The following YWHAE variants were observed in gnomAD, a reference collection of about 807,000 sequenced individuals.
YWHAE encodes 14-3-3 protein epsilon.
In YWHAE, 4 loss-of-function variants were observed where a neutral mutation model predicts 30.1. The ratio of observed to expected loss-of-function variants is 0.13; its 90% CI spans 0.07 to 0.30. The LOEUF is 0.30. YWHAE is among the 10% of genes least tolerant of loss of function. The pLI, the probability that YWHAE is intolerant of heterozygous loss-of-function variation, is 1.00. For missense variants in YWHAE, 121 were observed against 315.9 expected, an observed-to-expected ratio of 0.38 and a Z score of 4.68; for synonymous variants, 118 against 111.8, an observed-to-expected ratio of 1.06 and a Z score of -0.35.
intron 5 of YWHAE, among the ~76,000 whole-genome samples, chr17:1,348,981 G>C (rs1218840887): frequency 6.6e-6 from 1 of 151,134 alleles, no homozygotes; most frequent in African/African-American, 2.4e-5. Flanking sequence ...AGCCAAGATA[G>C]CACCACTGCA....
intron 1 of YWHAE, among the ~76,000 whole-genome samples, chr17:1,373,654 T>G (rs1406297490): frequency 6.7e-6 from 1 of 149,394 alleles, no homozygotes; most frequent in African/African-American, 2.5e-5. Flanking sequence ...GGTGACAGAG[T>G]GAGACTTCAT....
At chr17:1,348,427 G>A (rs1426093485) in intron 5 of YWHAE, among the ~76,000 whole-genome samples, 1 of 151,904 alleles carries the variant, frequency 6.6e-6, no homozygotes, top group Non-Finnish European at 1.5e-5. Context: ...CAACATGCTG[G>A]GACAGACATT....
chr17:1,373,445 C>A (rs1467679498), intron 1 of YWHAE, among the ~76,000 whole-genome samples: 3 of 151,848 alleles, frequency 2.0e-5, no homozygotes, highest in Non-Finnish European at 4.4e-5. Context: ...AAGGGTAGAT[C>A]ACAAGGTCAG....
At chr17:1,380,753 C>G (rs1234019198) in intron 1 of YWHAE, among the ~76,000 whole-genome samples, 1 of 152,076 alleles carries the variant, frequency 6.6e-6, no homozygotes, top group Non-Finnish European at 1.5e-5. Flanking sequence ...TTTTTCTAAC[C>G]CAGACTTTCC....
intron 5 of YWHAE, among the ~76,000 whole-genome samples, chr17:1,348,605 G>A (rs1692153284): frequency 6.6e-6 from 1 of 152,186 alleles, no homozygotes; most frequent in South Asian, 2.1e-4. Context: ...ATTTTATTTT[G>A]TGAGATGAAG....
At chr17:1,355,148 A>AAAAAAAAATTTT (rs1555639303) in intron 4 of YWHAE, among the ~76,000 whole-genome samples, 1 of 76,796 alleles carries the variant, frequency 1.3e-5, no homozygotes, top group African/African-American at 4.4e-5. Flanking sequence ...AAAAAAAAAA[A>AAAAAAAAATTTT]TTTTTTTTTT....
chr17:1,398,872 A>C (rs1598278538), intron 1 of YWHAE: 1 of 152,288 alleles, frequency 6.6e-6, no homozygotes, highest in African/African-American at 2.4e-5. Flanking sequence ...GGACCTACTA[A>C]TATTTCTACA....
chr17:1,377,614 T>C (rs71360487), intron 1 of YWHAE, among the ~76,000 whole-genome samples: 5,374 of 151,612 alleles, frequency 0.035, 111 homozygotes, highest in East Asian at 0.053. Context: ...ACTCTGTCTC[T>C]CAAAAAGAAA....
In YWHAE at chr17:1,352,925, C is replaced by T. The variant is rs903911071; in HGVS notation, c.715+1286G>A. ...CACCACCACCAAATGTAAAACTATC[C>T]TGTAATACTCCTATCACACTAATTT... is the stretch of plus-strand genomic sequence containing the variant. On this transcript the variant is annotated intron_variant, in intron 5 of 5. Transcript: ENST00000264335. Among the ~76,000 whole-genome samples, 19 of 152,286 alleles carry T rather than the reference C, an allele frequency of 1.2e-4. 1 individual carries two copies. The highest frequency in any genetic ancestry group is 4.3e-4 in the African/African-American group (18 of 41,560).
intron 1 of YWHAE, among the ~76,000 whole-genome samples, chr17:1,381,575 G>T (rs757034993): frequency 6.6e-6 from 1 of 151,916 alleles, no homozygotes; most frequent in Non-Finnish European, 1.5e-5. Context: ...GCATGTAAAG[G>T]GGGGAGGGGA....
chr17:1,370,933 G>T (rs1366819282), intron 1 of YWHAE, among the ~76,000 whole-genome samples: 1 of 151,952 alleles, frequency 6.6e-6, no homozygotes, highest in Admixed American at 6.6e-5. Context: ...CCGGGAGGCG[G>T]AGCTGCAGTG....
intron 5 of YWHAE, among the ~76,000 whole-genome samples, chr17:1,350,789 GTGGCTCACGCCTGTAATCCAAGCATTT>G (rs1387620720): frequency 6.6e-6 from 1 of 151,692 alleles, no homozygotes; most frequent in African/African-American, 2.4e-5. Context: ...GCCAGGCGCA[GTGGCTCACGCCTGTAATCCAAGCATTT>G]TGGGAGGCCG....
chr17:1,382,967 G>A (rs1287002137), intron 1 of YWHAE, among the ~76,000 whole-genome samples: 2 of 151,668 alleles, frequency 1.3e-5, no homozygotes, highest in Non-Finnish European at 2.9e-5. Flanking sequence ...TGAGGTTGCA[G>A]TGAGCTGACC....
chr17:1,395,267 C>G (rs925633252), intron 1 of YWHAE, among the ~76,000 whole-genome samples: 1 of 152,142 alleles, frequency 6.6e-6, no homozygotes, highest in Non-Finnish European at 1.5e-5. Flanking sequence ...GTGGCTCACA[C>G]CTGTAATCCC....
At chr17:1,357,617 C>CTGTA (rs2072774579) in intron 4 of YWHAE, among the ~76,000 whole-genome samples, 10 of 151,472 alleles carry the variant, frequency 6.6e-5, no homozygotes, top group Non-Finnish European at 1.2e-4. Flanking sequence ...TTTGCTACTG[C>CTGTA]AATATTTACT....
intron 1 of YWHAE, among the ~76,000 whole-genome samples, chr17:1,370,592 G>A (rs374578847): frequency 5.9e-5 from 9 of 151,896 alleles, no homozygotes; most frequent in South Asian, 2.1e-4. Flanking sequence ...CACCACGCCC[G>A]GCTAACTTTT....
At chr17:1,366,077 G>A (rs974605579) in intron 1 of YWHAE, among the ~76,000 whole-genome samples, 9 of 151,850 alleles carry the variant, frequency 5.9e-5, no homozygotes, top group Admixed American at 1.3e-4. Flanking sequence ...TTAGCTGGGC[G>A]TGGTGATGCA....
At chr17:1,362,149 T>G in intron 2 of YWHAE, 141 bp from the exon 3 acceptor site, 1 of 552,306 alleles carries the variant, frequency 1.8e-6, no homozygotes, top group South Asian at 3.1e-5. Context: ...TTCTTCCTTC[T>G]TGACACAAAA....
chr17:1,384,076 G>A (rs1171481601), intron 1 of YWHAE, among the ~76,000 whole-genome samples: 3 of 152,082 alleles, frequency 2.0e-5, no homozygotes. Context: ...CGTTAAGCAG[G>A]TGCCTGTAAT....
Sources: gnomAD v4.1 joint callset for allele counts (sites outside exome capture counted in the v4.1 genomes callset) on GRCh38, gnomAD v4.1.1 for gene constraint, MANE v1.5 for transcripts, NCBI Gene and HGNC (gene_info 2026-07-23, HGNC 2026-07-21) for gene names.